The following UNC13C variants were observed in gnomAD, a reference collection of about 807,000 sequenced individuals.
UNC13C encodes the protein unc-13 homolog C.
A neutral mutation model predicts 245.4 loss-of-function variants in UNC13C; 174 were observed. The ratio of observed to expected loss-of-function variants is 0.71; its 90% confidence interval spans 0.63 to 0.80. The LOEUF (loss-of-function observed/expected upper bound fraction) is 0.80. Among genes scored for constraint, UNC13C ranks in the 30% least tolerant of loss-of-function variants. UNC13C has a pLI of 0.00. For synonymous variants in UNC13C, 992 were observed against 895.1 expected, an observed-to-expected ratio of 1.11 and a Z score of -1.93; for missense variants, 2,829 against 2,602.9, an observed-to-expected ratio of 1.09 and a Z score of -1.89.
At position 54,250,451 on chromosome 15, in the gene UNC13C, AC is replaced by A; in HGVS notation, c.3448+8del. 6.3e-7 allele frequency: 1 copy of A among 1,595,290 alleles called. No homozygotes were observed. Among genetic ancestry groups the A allele is most frequent in the Non-Finnish European group, 8.5e-7 (1 of 1,169,764 alleles). ...AACGCTGACTGCTTGCAGAGTGAGT[AC>A]TTGGTTTGGCTGAAAAAGTGGTATG... On this transcript the variant is annotated splice_region_variant and intron_variant, in intron 8 of 32. Transcript: ENST00000260323.
chr15:54,136,655 C>A (rs568189059), intron 2 of UNC13C, among the ~76,000 whole-genome samples: 2 of 152,016 alleles, frequency 1.3e-5, no homozygotes, highest in Admixed American at 1.3e-4. Flanking sequence ...CAGCTTTTCA[C>A]TGTCGAGTAT....
the UNC13C span, among the ~76,000 whole-genome samples, chr15:53,854,891 G>A: frequency 6.6e-6 from 1 of 152,042 alleles, no homozygotes; most frequent in Non-Finnish European, 1.5e-5. Context: ...TGGGTAGTAT[G>A]GCCATTTTAA....
At chr15:54,307,103 T>G (rs1206877957) in intron 13 of UNC13C, among the ~76,000 whole-genome samples, 2 of 152,026 alleles carry the variant, frequency 1.3e-5, no homozygotes, top group African/African-American at 4.8e-5. Context: ...TTTCTGAGGA[T>G]GTAAGTATGA....
At chr15:54,363,478 A>G (rs2039284553) in intron 17 of UNC13C, among the ~76,000 whole-genome samples, 1 of 152,210 alleles carries the variant, frequency 6.6e-6, no homozygotes, top group South Asian at 2.1e-4. Context: ...TGAAAGTCAT[A>G]AGGACTGAAA....
intron 7 of UNC13C, among the ~76,000 whole-genome samples, chr15:54,244,464 G>T (rs953267102): frequency 6.6e-6 from 1 of 152,122 alleles, no homozygotes. Flanking sequence ...GGCTCTTTTT[G>T]GTTCCATACA....
chr15:54,194,126 G>A (rs751738177), intron 4 of UNC13C, among the ~76,000 whole-genome samples: 2 of 152,142 alleles, frequency 1.3e-5, no homozygotes, highest in Non-Finnish European at 2.9e-5. Flanking sequence ...TAGGAAGCAA[G>A]GTTTGCAGAG....
chr15:54,215,557 A>G (rs1276957152), intron 4 of UNC13C, among the ~76,000 whole-genome samples: 1 of 152,004 alleles, frequency 6.6e-6, no homozygotes, highest in Admixed American at 6.6e-5. Context: ...AGCATTATTG[A>G]GCTTTAATAG....
intron 8 of UNC13C, among the ~76,000 whole-genome samples, chr15:54,260,522 G>T (rs2036395555): frequency 6.7e-6 from 1 of 149,700 alleles, no homozygotes; most frequent in South Asian, 2.1e-4. Context: ...ATATCTATGT[G>T]TATACATAGA....
chr15:54,596,940 A>C (rs536637394), intron 30 of UNC13C, among the ~76,000 whole-genome samples: 1 of 152,302 alleles, frequency 6.6e-6, no homozygotes, highest in South Asian at 2.1e-4. Flanking sequence ...TCTTTTCTTA[A>C]CAAGTTACCC....
At chr15:54,305,086 C>A (rs892574938) in intron 13 of UNC13C, among the ~76,000 whole-genome samples, 1 of 152,010 alleles carries the variant, frequency 6.6e-6, no homozygotes, top group African/African-American at 2.4e-5. Flanking sequence ...GAAATCATAT[C>A]TTTCATTACT....
intron 28 of UNC13C, among the ~76,000 whole-genome samples, chr15:54,552,627 ATT>A (rs566140635): frequency 0.031 from 2,468 of 80,774 alleles, 243 homozygotes; most frequent in African/African-American, 0.14. Context: ...TATATTATAT[ATT>A]GTACAATATA....
the UNC13C span, among the ~76,000 whole-genome samples, chr15:53,929,031 A>C: frequency 6.6e-6 from 1 of 152,210 alleles, no homozygotes; most frequent in African/African-American, 2.4e-5. Context: ...CTGGTAATAA[A>C]GACATACCTA....
intron 4 of UNC13C, among the ~76,000 whole-genome samples, chr15:54,189,758 C>T (rs1344901988): frequency 6.6e-6 from 1 of 151,896 alleles, no homozygotes; most frequent in African/African-American, 2.4e-5. Flanking sequence ...CTTATAGGGC[C>T]ATGTTCAGAT....
the UNC13C span, among the ~76,000 whole-genome samples, chr15:53,938,327 A>C: frequency 0.31 from 47,724 of 152,124 alleles, 7,628 homozygotes; most frequent in Non-Finnish European, 0.33. Context: ...AGAGCTAACT[A>C]TCCTAAGTAT....
intron 4 of UNC13C, among the ~76,000 whole-genome samples, chr15:54,143,924 C>T (rs1275776733): frequency 6.6e-6 from 1 of 151,986 alleles, no homozygotes; most frequent in Non-Finnish European, 1.5e-5. Flanking sequence ...AATCAACTAA[C>T]CAGTTTAACT....
intron 1 of UNC13C, among the ~76,000 whole-genome samples, chr15:53,993,144 A>G (rs1894465480): frequency 1.3e-5 from 2 of 152,104 alleles, no homozygotes; most frequent in African/African-American, 4.8e-5. Flanking sequence ...TTCTTAGGTC[A>G]GATTCCCAGG....
chr15:54,023,475 T>C (rs1895983995), intron 2 of UNC13C, among the ~76,000 whole-genome samples: 1 of 152,218 alleles, frequency 6.6e-6, no homozygotes. Flanking sequence ...GATAGTATCA[T>C]ATTTTTAGGA....
At chr15:54,278,552 C>T (rs1023395355) in intron 10 of UNC13C, among the ~76,000 whole-genome samples, 2 of 152,104 alleles carry the variant, frequency 1.3e-5, no homozygotes, top group Admixed American at 6.6e-5. Context: ...TCAACTTTGT[C>T]GTTAAGCTGT....
intron 19 of UNC13C, among the ~76,000 whole-genome samples, chr15:54,474,627 T>C (rs1415880152): frequency 6.6e-6 from 1 of 152,132 alleles, no homozygotes; most frequent in Non-Finnish European, 1.5e-5. Flanking sequence ...TTTCTCCCAT[T>C]CTATAGGTTA....
Sources: gnomAD v4.1 joint callset for allele counts (sites outside exome capture counted in the v4.1 genomes callset) on GRCh38, gnomAD v4.1.1 for gene constraint, MANE v1.5 for transcripts, NCBI Gene and HGNC (gene_info 2026-07-23, HGNC 2026-07-21) for gene names.